CCSER1: variants seen among roughly 807,000 people sequenced by gnomAD.
CCSER1 encodes the protein coiled-coil serine rich protein 1.
Under a neutral mutation model 82.0 loss-of-function variants are expected in CCSER1, and 41 were observed. The ratio of observed to expected loss-of-function variants is 0.50; its 90% confidence interval spans 0.39 to 0.65. The LOEUF (loss-of-function observed/expected upper bound fraction) is 0.65. Ranked by LOEUF, CCSER1 falls within the 30% of genes least tolerant of loss-of-function variation. CCSER1 has a pLI of 0.00. For missense variants in CCSER1, 1,119 were observed against 1,064.2 expected (o/e 1.05, Z -0.72); for synonymous variants, 414 against 383.9 (o/e 1.08, Z -0.92).
At chr4:91,073,069 C>T (rs192732955) in intron 9 of CCSER1, among the ~76,000 whole-genome samples, 9 of 151,728 alleles carry the variant, frequency 5.9e-5, no homozygotes, top group Non-Finnish European at 8.8e-5. Context: ...TTAAATGGGA[C>T]GTGAACAACA....
chr4:90,760,436 C>T (rs1750244769), intron 7 of CCSER1, among the ~76,000 whole-genome samples: 2 of 151,808 alleles, frequency 1.3e-5, no homozygotes, highest in East Asian at 1.9e-4. Flanking sequence ...TTTTACAGCA[C>T]TTAATATCAT....
chr4:91,110,674 C>A (rs1306202642), intron 10 of CCSER1, among the ~76,000 whole-genome samples: 1 of 151,942 alleles, frequency 6.6e-6, no homozygotes, highest in Non-Finnish European at 1.5e-5. Context: ...TCCTAGAGAA[C>A]AATGTTTTAT....
At chr4:90,971,401 C>T (rs140885037) in intron 9 of CCSER1, among the ~76,000 whole-genome samples, 1 of 151,886 alleles carries the variant, frequency 6.6e-6, no homozygotes, top group African/African-American at 2.4e-5. Context: ...GAGAAATCCA[C>T]CCCCATGGTC....
chr4:90,267,641 G>C (rs1008744605), intron 1 of CCSER1, among the ~76,000 whole-genome samples: 1 of 152,156 alleles, frequency 6.6e-6, no homozygotes, highest in Non-Finnish European at 1.5e-5. Context: ...TGAGCACAGA[G>C]AGAAGGACTT....
At chr4:90,832,454 T>G (rs1761242409) in intron 8 of CCSER1, among the ~76,000 whole-genome samples, 1 of 152,166 alleles carries the variant, frequency 6.6e-6, no homozygotes, top group African/African-American at 2.4e-5. Flanking sequence ...ACTAAAGAAC[T>G]TAAGCATCTT....
intron 5 of CCSER1, among the ~76,000 whole-genome samples, chr4:90,491,069 T>C (rs1767934009): frequency 6.6e-6 from 1 of 152,192 alleles, no homozygotes; most frequent in Non-Finnish European, 1.5e-5. Context: ...AAGTCATTGG[T>C]AGCTTGATGG....
chr4:91,110,589 C>A, intron 10 of CCSER1, among the ~76,000 whole-genome samples: 1 of 151,828 alleles, frequency 6.6e-6, no homozygotes, highest in East Asian at 1.9e-4. Flanking sequence ...ACACTTATTT[C>A]TGTAATATTG....
chr4:91,388,234 C>A (rs553644062), intron 10 of CCSER1, among the ~76,000 whole-genome samples: 55 of 152,066 alleles, frequency 3.6e-4, no homozygotes, highest in African/African-American at 1.1e-3. Context: ...GAAAAGCTGC[C>A]ATAACCTCTG....
chr4:91,583,983 C>A (rs1165619027), intron 10 of CCSER1, among the ~76,000 whole-genome samples: 2 of 151,436 alleles, frequency 1.3e-5, no homozygotes, highest in Admixed American at 6.6e-5. Flanking sequence ...TGTTTCCTTA[C>A]AAAATGTTCA....
chr4:90,208,550 A>G (rs972912264), intron 1 of CCSER1, among the ~76,000 whole-genome samples: 2 of 151,618 alleles, frequency 1.3e-5, no homozygotes, highest in African/African-American at 2.4e-5. Flanking sequence ...CCACTGGGGT[A>G]TGAAAAAAAA....
chr4:91,050,404 C>T (rs1561503146), intron 9 of CCSER1, among the ~76,000 whole-genome samples: 1 of 145,930 alleles, frequency 6.9e-6, no homozygotes, highest in East Asian at 2.1e-4. Context: ...GCACTCCATT[C>T]TGGGTGATAG....
chr4:90,602,055 A>AGGTG (rs1474990639), intron 5 of CCSER1, among the ~76,000 whole-genome samples: 1 of 152,102 alleles, frequency 6.6e-6, no homozygotes, highest in African/African-American at 2.4e-5. Flanking sequence ...AATTTCTGGT[A>AGGTG]GGTGTTGTTC....
chr4:90,203,276 C>G (rs913360824), intron 1 of CCSER1, among the ~76,000 whole-genome samples: 10 of 152,090 alleles, frequency 6.6e-5, no homozygotes, highest in African/African-American at 2.4e-4. Context: ...TATACATGTG[C>G]CATGGTGGTT....
At chr4:90,390,976 C>T (rs752605181) in intron 3 of CCSER1, among the ~76,000 whole-genome samples, 14 of 151,660 alleles carry the variant, frequency 9.2e-5, no homozygotes, top group Non-Finnish European at 1.8e-4. Flanking sequence ...AATAGTGGCC[C>T]TTCTGGGCTG....
intron 10 of CCSER1, among the ~76,000 whole-genome samples, chr4:91,566,003 C>T (rs1295509565): frequency 6.6e-6 from 1 of 151,990 alleles, no homozygotes; most frequent in Non-Finnish European, 1.5e-5. Flanking sequence ...TTTTGCCTGT[C>T]CAGTATAATG....
chr4:91,439,688 G>T (rs1431085950), intron 10 of CCSER1, among the ~76,000 whole-genome samples: 1 of 152,010 alleles, frequency 6.6e-6, no homozygotes, highest in African/African-American at 2.4e-5. Flanking sequence ...AAAGAGTCAA[G>T]ACCCATCAGT....
At chr4:91,383,352 T>TGATAAATGAGCGTTTCCGTTA (rs1398037730) in intron 10 of CCSER1, among the ~76,000 whole-genome samples, 33 of 149,148 alleles carry the variant, frequency 2.2e-4, no homozygotes, top group African/African-American at 7.4e-4. Flanking sequence ...GTTATCTCAC[T>TGATAAATGAGCGTTTCCGTTA]TTTTTTTTTC....
intron 10 of CCSER1, among the ~76,000 whole-genome samples, chr4:91,297,441 G>A (rs1744305174): frequency 6.6e-6 from 1 of 150,426 alleles, no homozygotes; most frequent in South Asian, 2.1e-4. Flanking sequence ...GACAGATGTG[G>A]ATAAGGAGGG....
chr4:90,504,834 A>C (rs1001918772), intron 5 of CCSER1, among the ~76,000 whole-genome samples: 1 of 152,180 alleles, frequency 6.6e-6, no homozygotes, highest in Non-Finnish European at 1.5e-5. Flanking sequence ...AGAGAATGCC[A>C]ATTCCAAACA....
Sources: allele counts gnomAD v4.1 joint callset (sites outside exome capture counted in the v4.1 genomes callset), GRCh38; gene constraint gnomAD v4.1.1; transcripts MANE v1.5; gene names NCBI Gene and HGNC (gene_info 2026-07-23, HGNC 2026-07-21).